The following CEP128 variants were observed in gnomAD, a reference collection of about 807,000 sequenced individuals.
CEP128 encodes centrosomal protein 128.
A neutral mutation model predicts 156.7 loss-of-function variants in CEP128; 132 were observed. The observed-to-expected ratio is 0.84, with a 90% CI of 0.73 to 0.97. The LOEUF is 0.97. Among genes scored for constraint, CEP128 ranks in the 50% least tolerant of loss-of-function variants. The pLI, the probability that CEP128 is intolerant of heterozygous loss-of-function variation, is 0.00. For missense variants in CEP128, 1,252 were observed against 1,281.9 expected, an observed-to-expected ratio of 0.98 and a Z score of 0.36; for synonymous variants, 469 against 448.9, an observed-to-expected ratio of 1.04 and a Z score of -0.57.
chr14:80,752,119 A>T (rs985571763), intron 18 of CEP128, among the ~76,000 whole-genome samples: 1 of 152,222 alleles, frequency 6.6e-6, no homozygotes, highest in African/African-American at 2.4e-5. Context: ...AGGACCACAG[A>T]AAATTTAAAT....
chr14:80,631,113 A>C (rs138487137), intron 19 of CEP128, among the ~76,000 whole-genome samples: 107 of 152,170 alleles, frequency 7.0e-4, no homozygotes, highest in African/African-American at 2.4e-3. Context: ...CTGTCATTCT[A>C]TTGTTATTCA....
chr14:80,791,287 C>T (rs1901692474), intron 14 of CEP128, among the ~76,000 whole-genome samples: 1 of 152,012 alleles, frequency 6.6e-6, no homozygotes, highest in Non-Finnish European at 1.5e-5. Flanking sequence ...GTGATACGAC[C>T]CTAACTGTGG....
intron 21 of CEP128, among the ~76,000 whole-genome samples, chr14:80,533,019 A>G (rs1216445625): frequency 6.6e-6 from 1 of 152,088 alleles, no homozygotes; most frequent in Non-Finnish European, 1.5e-5. Context: ...GGCCACATGT[A>G]CTCACTTACA....
intron 15 of CEP128, among the ~76,000 whole-genome samples, chr14:80,780,038 T>C (rs1012823308): frequency 8.5e-5 from 13 of 152,128 alleles, no homozygotes; most frequent in Non-Finnish European, 1.8e-4. Flanking sequence ...AATAGACCAA[T>C]ATCCTGAAAA....
At chr14:80,775,301 C>G (rs911089441) in intron 16 of CEP128, among the ~76,000 whole-genome samples, 1 of 152,150 alleles carries the variant, frequency 6.6e-6, no homozygotes, top group African/African-American at 2.4e-5. Context: ...TACTATCTCT[C>G]AAAGAGAAAG....
chr14:80,606,400 T>C (rs889315811), intron 19 of CEP128, among the ~76,000 whole-genome samples: 1 of 152,100 alleles, frequency 6.6e-6, no homozygotes, highest in African/African-American at 2.4e-5. Flanking sequence ...GTGGTGAGAC[T>C]TGTAGATAGA....
At chr14:80,927,550 G>T (rs1284622225) in intron 2 of CEP128, among the ~76,000 whole-genome samples, 2 of 152,212 alleles carry the variant, frequency 1.3e-5, no homozygotes, top group African/African-American at 4.8e-5. Context: ...TGCATGAAAA[G>T]AGGTGCCTGT....
intron 23 of CEP128, among the ~76,000 whole-genome samples, chr14:80,517,875 T>C (rs371898811): frequency 2.3e-4 from 35 of 152,132 alleles, no homozygotes; most frequent in African/African-American, 8.4e-4. Context: ...CGAGCCTTTA[T>C]CCTGACTGGG....
intron 19 of CEP128, among the ~76,000 whole-genome samples, chr14:80,593,771 T>C (rs1892191534): frequency 6.6e-6 from 1 of 152,034 alleles, no homozygotes; most frequent in Non-Finnish European, 1.5e-5. Flanking sequence ...ACAAGGGATG[T>C]GAAGGACCTC....
intron 2 of CEP128, among the ~76,000 whole-genome samples, chr14:80,921,008 C>T (rs528971123): frequency 6.6e-6 from 1 of 152,178 alleles, no homozygotes; most frequent in Admixed American, 6.5e-5. Context: ...ATAAAAACAA[C>T]TCAAATTTCA....
intron 2 of CEP128, among the ~76,000 whole-genome samples, chr14:80,917,624 C>T (rs192010638): frequency 2.6e-4 from 40 of 152,226 alleles, no homozygotes; most frequent in African/African-American, 7.9e-4. Flanking sequence ...CTGCAACCTC[C>T]GCCTCCCAGG....
At chr14:80,863,932 CAGA>C (rs1225656320) in intron 8 of CEP128, among the ~76,000 whole-genome samples, 3 of 152,076 alleles carry the variant, frequency 2.0e-5, no homozygotes, top group Non-Finnish European at 4.4e-5. Flanking sequence ...TTAGGCAGAG[CAGA>C]AGTTTAGTTT....
At position 80,888,157 on chromosome 14, in the gene CEP128, A is replaced by G. The variant is rs1464875892; in HGVS notation, c.645+7561T>C. Among the ~76,000 whole-genome samples the G allele has an allele frequency of 2.0e-5, 3 of 152,206 alleles. No homozygotes were observed. In the East Asian group the frequency reaches 5.8e-4, roughly 29 times the overall value. ...AATTAATAGCCTACCAACCAAAAAA[A>G]GCCCAGGACCAGACCGATTTACAGT... is the stretch of plus-strand genomic sequence containing the variant. On this transcript the variant is annotated intron_variant, in intron 8 of 24. Transcript: ENST00000555265.
chr14:80,639,480 G>A (rs1247162066), intron 19 of CEP128, among the ~76,000 whole-genome samples: 1 of 152,128 alleles, frequency 6.6e-6, no homozygotes, highest in Non-Finnish European at 1.5e-5. Context: ...AGCAATGTGT[G>A]CCTGAAGTAA....
intron 13 of CEP128, among the ~76,000 whole-genome samples, chr14:80,796,262 T>A (rs1159101763): frequency 2.6e-5 from 4 of 152,092 alleles, no homozygotes; most frequent in African/African-American, 9.7e-5. Context: ...AGTTCGAGAT[T>A]AGCCTGGGCA....
chr14:80,648,468 T>C (rs997095824), intron 19 of CEP128, among the ~76,000 whole-genome samples: 6 of 152,124 alleles, frequency 3.9e-5, no homozygotes, highest in Non-Finnish European at 8.8e-5. Context: ...ATTAATATTA[T>C]AACTAATATT....
intron 2 of CEP128, among the ~76,000 whole-genome samples, chr14:80,923,458 A>G (rs1029201630): frequency 2.6e-5 from 4 of 152,220 alleles, no homozygotes; most frequent in African/African-American, 9.6e-5. Flanking sequence ...GAGAGCTGTA[A>G]TTTATTGATT....
chr14:80,804,961 C>T (rs1884089328), intron 13 of CEP128, among the ~76,000 whole-genome samples: 1 of 152,090 alleles, frequency 6.6e-6, no homozygotes, highest in South Asian at 2.1e-4. Context: ...ATGAAAAATA[C>T]AAGGCAAGTT....
intron 24 of CEP128, among the ~76,000 whole-genome samples, chr14:80,501,112 C>A (rs1566742037): frequency 1.3e-5 from 2 of 151,862 alleles, no homozygotes; most frequent in East Asian, 1.9e-4. Flanking sequence ...TGGATAGAAT[C>A]TTTCCTTTCT....
Sources: allele counts gnomAD v4.1 joint callset (sites outside exome capture counted in the v4.1 genomes callset), GRCh38; gene constraint gnomAD v4.1.1; transcripts MANE v1.5; gene names NCBI Gene and HGNC (gene_info 2026-07-23, HGNC 2026-07-21).